Variants in IL1RAPL2 observed in about 807,000 individuals in gnomAD.
IL1RAPL2 encodes interleukin 1 receptor accessory protein like 2.
In IL1RAPL2, 3 loss-of-function variants were observed where a neutral mutation model predicts 44.1. That is an observed-to-expected ratio of 0.07 (90% CI 0.03 to 0.18). The LOEUF (loss-of-function observed/expected upper bound fraction) is 0.18, where lower values mean the gene tolerates loss of function less well. Among genes scored for constraint, IL1RAPL2 ranks in the 10% least tolerant of loss-of-function variants. The pLI is 1.00. For missense variants in IL1RAPL2, 391 were observed against 496.4 expected (o/e 0.79, Z 2.02); for synonymous variants, 181 against 178.8 (o/e 1.01, Z -0.10).
Position 104,734,520 on chromosome X carries a change from T to C in IL1RAPL2, c.82+75525T>C, listed in dbSNP as rs141138400. ...ACTTGGATGAATCATAAAGACAGTA[T>C]GCTAAATGAAAGAAGCCAGTCTCAA... is the stretch of plus-strand genomic sequence containing the variant. On this transcript the variant is annotated intron_variant, in intron 2 of 10. Coordinates refer to ENST00000372582, the MANE Select transcript of IL1RAPL2 (RefSeq NM_017416.2). Among the ~76,000 whole-genome samples the C allele has an allele frequency of 8.0e-3, 903 of 112,525 alleles. 8 individuals carry two copies. Among genetic ancestry groups the C allele is most frequent in the African/African-American group, 0.025 (771 of 31,064 alleles).
rs1235054341 is a variant in IL1RAPL2 at position 105,361,876 on chromosome X, C to A, written c.697+94335C>A. On this transcript the variant is annotated intron_variant, in intron 5 of 10. Coordinates refer to ENST00000372582, the MANE Select transcript of IL1RAPL2 (RefSeq NM_017416.2). ...AAAGATCTTTCCTTATATGTAGAAACCTGTATTGGCTTTTGAGCTACTTGA... is the reference window on the plus strand; with the variant it reads ...AAAGATCTTTCCTTATATGTAGAAAACTGTATTGGCTTTTGAGCTACTTGA... 3.6e-5 allele frequency among the ~76,000 whole-genome samples: 4 copies of A among 111,502 alleles called. No individual in the cohort carries two copies. The East Asian group carries it at 1.1e-3, about 31-fold the overall frequency.
chrX:104,684,083 G>A (rs946445017), intron 2 of IL1RAPL2, among the ~76,000 whole-genome samples: 2 of 111,885 alleles, frequency 1.8e-5, no homozygotes, highest in African/African-American at 6.5e-5. Context: ...AGCACGATTA[G>A]TGCTCCTAAT....
intron 2 of IL1RAPL2, among the ~76,000 whole-genome samples, chrX:104,741,388 T>C (rs1932099960): frequency 9.0e-6 from 1 of 111,228 alleles, no homozygotes; most frequent in Non-Finnish European, 1.9e-5. Context: ...TTACAAAAAC[T>C]CAATTTAGAC....
intron 3 of IL1RAPL2, among the ~76,000 whole-genome samples, chrX:105,224,831 G>A (rs1316494183): frequency 9.0e-6 from 1 of 111,505 alleles, no homozygotes; most frequent in Non-Finnish European, 1.9e-5. Context: ...AAGGATTTCT[G>A]GAGGAGAGTT....
chrX:105,429,635 G>C (rs1159406944), intron 5 of IL1RAPL2, among the ~76,000 whole-genome samples: 1 of 111,583 alleles, frequency 9.0e-6, no homozygotes, highest in Non-Finnish European at 1.9e-5. Context: ...GGGGTCAGCG[G>C]ACATTTTCTG....
intron 6 of IL1RAPL2, among the ~76,000 whole-genome samples, chrX:105,707,385 G>T (rs1309405182): frequency 8.9e-6 from 1 of 112,200 alleles, no homozygotes; most frequent in East Asian, 2.8e-4. Flanking sequence ...TTAAAAATAA[G>T]AAAAATTAGT....
chrX:105,634,596 TCTTG>T (rs2037511503), intron 6 of IL1RAPL2, among the ~76,000 whole-genome samples: 1 of 111,604 alleles, frequency 9.0e-6, no homozygotes, highest in Admixed American at 9.5e-5. Context: ...CAGAAATGGT[TCTTG>T]CCCTCATATT....
At chrX:105,182,346 A>C (rs1430828485) in intron 2 of IL1RAPL2, among the ~76,000 whole-genome samples, 1 of 111,181 alleles carries the variant, frequency 9.0e-6, no homozygotes, top group East Asian at 2.8e-4. Context: ...CAGAATTATT[A>C]TATCCTTTTA....
intron 5 of IL1RAPL2, among the ~76,000 whole-genome samples, chrX:105,371,966 G>A (rs1240047562): frequency 9.0e-6 from 1 of 111,345 alleles, no homozygotes; most frequent in Non-Finnish European, 1.9e-5. Flanking sequence ...CTGAATTCAG[G>A]ATGACCCCTA....
At chrX:105,172,061 C>A (rs1263886527) in intron 2 of IL1RAPL2, among the ~76,000 whole-genome samples, 1 of 112,280 alleles carries the variant, frequency 8.9e-6, no homozygotes, top group Admixed American at 9.4e-5. Context: ...ACTCAATGGT[C>A]AAAATGCCCC....
intron 2 of IL1RAPL2, among the ~76,000 whole-genome samples, chrX:105,184,130 C>T (rs1182756551): frequency 8.9e-6 from 1 of 111,921 alleles, no homozygotes; most frequent in East Asian, 2.8e-4. Flanking sequence ...TCCAGGCTTC[C>T]AGCCTATCCT....
At chrX:105,364,083 G>C (rs1479483146) in intron 5 of IL1RAPL2, among the ~76,000 whole-genome samples, 2 of 111,185 alleles carry the variant, frequency 1.8e-5, no homozygotes, top group Non-Finnish European at 3.8e-5. Flanking sequence ...TATCCATTTT[G>C]ATTTGATTTT....
chrX:105,569,870 CA>C (rs2037002040), intron 6 of IL1RAPL2, among the ~76,000 whole-genome samples: 2 of 111,556 alleles, frequency 1.8e-5, no homozygotes, highest in South Asian at 7.5e-4. Context: ...ACCATTTTTG[CA>C]CAGCCACATT....
intron 2 of IL1RAPL2, among the ~76,000 whole-genome samples, chrX:105,165,177 A>G (rs1378252471): frequency 8.9e-6 from 1 of 111,870 alleles, no homozygotes; most frequent in Non-Finnish European, 1.9e-5. Flanking sequence ...TTCACCCTCT[A>G]CATACAGGAA....
At chrX:105,386,154 G>A (rs1358366911) in intron 5 of IL1RAPL2, among the ~76,000 whole-genome samples, 5 of 111,343 alleles carry the variant, frequency 4.5e-5, no homozygotes, top group East Asian at 5.6e-4. Context: ...TTTATTATAC[G>A]TTTTATAAAA....
chrX:104,993,378 C>T (rs1214359292), intron 2 of IL1RAPL2, among the ~76,000 whole-genome samples: 5 of 111,226 alleles, frequency 4.5e-5, no homozygotes, highest in African/African-American at 1.3e-4. Flanking sequence ...TGTATACAAG[C>T]CAATATTATT....
intron 5 of IL1RAPL2, among the ~76,000 whole-genome samples, chrX:105,330,902 C>T (rs1459327576): frequency 9.0e-6 from 1 of 111,528 alleles, no homozygotes; most frequent in Non-Finnish European, 1.9e-5. Flanking sequence ...CCAGAAATAC[C>T]TTTCTCAAAT....
intron 2 of IL1RAPL2, among the ~76,000 whole-genome samples, chrX:104,866,021 T>C (rs1480363006): frequency 8.9e-6 from 1 of 112,659 alleles, no homozygotes; most frequent in African/African-American, 3.2e-5. Flanking sequence ...TACTGGCAGT[T>C]GCTTTCCTTC....
chrX:105,010,040 A>T (rs1023936069), intron 2 of IL1RAPL2, among the ~76,000 whole-genome samples: 1 of 111,059 alleles, frequency 9.0e-6, no homozygotes, highest in Admixed American at 9.6e-5. Context: ...AGGGTTTTGT[A>T]TTATCTTGTG....
Sources: gnomAD v4.1 joint callset for allele counts (sites outside exome capture counted in the v4.1 genomes callset) on GRCh38, gnomAD v4.1.1 for gene constraint, MANE v1.5 for transcripts, NCBI Gene and HGNC (gene_info 2026-07-23, HGNC 2026-07-21) for gene names.